The following COIL variants were observed in gnomAD, a reference collection of about 807,000 sequenced individuals.
The protein encoded by COIL is coilin p80.
COIL carries 28 observed loss-of-function variants against 51.6 expected under a neutral mutation model. The observed-to-expected ratio is 0.54, with a 90% CI of 0.40 to 0.74. The LOEUF (loss-of-function observed/expected upper bound fraction) is 0.74. Among genes scored for constraint, COIL ranks in the 30% least tolerant of loss-of-function variants. The probability of loss-of-function intolerance (pLI) is 0.00; values close to 1 mark genes in which losing one functional copy is unlikely to be tolerated. For missense variants in COIL, 667 were observed against 685.9 expected (o/e 0.97, Z 0.31); for synonymous variants, 233 against 255.8 (o/e 0.91, Z 0.85).
chr17:56,949,851 G>A (rs1910321367), intron 2 of COIL, 38 bp downstream of exon 2: 3 of 1,610,636 alleles, frequency 1.9e-6, no homozygotes, highest in Non-Finnish European at 2.5e-6. Flanking sequence ...CATTCTAAGG[G>A]GAAAGGGAGG....
chr17:56,941,966 TC>T, intron 6 of COIL, 68 bp downstream of exon 6: 1 of 1,304,712 alleles, frequency 7.7e-7, no homozygotes, highest in South Asian at 1.2e-5. Flanking sequence ...AATGTCACCT[TC>T]CAAACCACAG....
Position 56,950,908 on chromosome 17 carries a change from G to A in COIL, c.334C>T (p.Arg112Trp), listed in dbSNP as rs201713745. ...TCACCCTCCTCTAACTGAAATGCCC[G>A]CTTCTTTGCTTTTCTAAGAGATAAA... ...INLSLRKAKK[R>W]AFQLEEGEET... The change falls in exon 2 of 7, where the codon CGG becomes TGG. Residue 112 changes from arginine (R) to tryptophan (W), a missense_variant. Physicochemically the swap from Arg to Trp is moderately radical, Grantham distance 101 (BLOSUM62 -3). Transcript: ENST00000240316. 47 of 1,613,432 alleles carry A rather than the reference G, an allele frequency of 2.9e-5. No homozygotes were observed. The highest frequency in any genetic ancestry group is 5.3e-5 in the African/African-American group (4 of 74,882).
At position 56,938,971 on chromosome 17, in the gene COIL, C is replaced by T; in HGVS notation, c.*100G>A. 1.6e-6 allele frequency: 1 copy of T among 609,820 alleles called. No homozygotes were observed. Among genetic ancestry groups the T allele is most frequent in the South Asian group, 2.4e-5 (1 of 41,732 alleles). The allele number at this position is 609,820 out of a possible 1,614,324, so 37.8% of individuals were successfully genotyped here. ...GTAAAGTGAAGATAACAAAAAAATC[C>T]ATACAACTTCCAAATCCTCTTTAAA... On this transcript the variant is annotated 3_prime_UTR_variant, in exon 7 of 7. Coordinates refer to ENST00000240316, the MANE Select transcript of COIL (RefSeq NM_004645.3).
chr17:56,939,895 G>A (rs1419709269), intron 6 of COIL: 1 of 152,074 alleles, frequency 6.6e-6, no homozygotes, highest in Non-Finnish European at 1.5e-5. Flanking sequence ...GATTTGCCCT[G>A]TGGACAGGTG....
At chr17:56,953,173 A>T (rs1910406397) in intron 1 of COIL, among the ~76,000 whole-genome samples, 1 of 151,992 alleles carries the variant, frequency 6.6e-6, no homozygotes, top group Non-Finnish European at 1.5e-5. Context: ...GCACTTTGGG[A>T]GGTCAAGGTG....
chr17:56,953,190 T>A (rs1332170378), intron 1 of COIL, among the ~76,000 whole-genome samples: 1 of 151,534 alleles, frequency 6.6e-6, no homozygotes, highest in Non-Finnish European at 1.5e-5. Flanking sequence ...GGTGGGTGGA[T>A]CACAAGGTCA....
At position 56,946,481 on chromosome 17, in the gene COIL, T is replaced by C. The variant is rs971684252; in HGVS notation, c.1519A>G (p.Thr507Ala). 1.2e-6 allele frequency: 2 copies of C among 1,611,714 alleles called. No homozygotes were observed. The highest frequency in any genetic ancestry group is 1.7e-6 in the Non-Finnish European group (2 of 1,178,258). The part of the protein sequence containing the change: ...EGRILSHNPE[T>A]QQVDIEILSS... ...AGAATTTCTATATCTACTTGCTGGG[T>C]CTCTGGATTGTGGCTTAATATTCTT... The change falls in exon 5 of 7, where the codon ACC (threonine) becomes GCC (alanine). Residue 507 changes from threonine (T) to alanine (A), a missense_variant. Coordinates refer to ENST00000240316, the MANE Select transcript of COIL (RefSeq NM_004645.3).
At chr17:56,942,345 T>C (rs974614565) in intron 5 of COIL, among the ~76,000 whole-genome samples, 3 of 152,188 alleles carry the variant, frequency 2.0e-5, no homozygotes, top group Non-Finnish European at 4.4e-5. Context: ...AGAGAAAATC[T>C]TTCCTTCATA....
In COIL at chr17:56,949,648, CT is replaced by C. The variant is rs765605977; in HGVS notation, c.1440+32del. On this transcript the variant is annotated intron_variant, in intron 3 of 6. Transcript: ENST00000240316. ...AAGTTTATTTGGAAGGGGAATGAAC[CT>C]TTTTTGCTGTGACTGTTCTTTTGAA... 3.2e-5 allele frequency: 51 copies of C among 1,583,912 alleles called. No individual in the cohort carries two copies. The East Asian group carries it at 1.1e-3, about 34-fold the overall frequency.
At position 56,950,138 on chromosome 17, in the gene COIL, C is replaced by A; in HGVS notation, c.1104G>T (p.Arg368Ser). Residue 368 changes from arginine (R) to serine (S), a missense_variant, in exon 2 of 7, where the codon AGG becomes AGT. Arg to Ser is a moderately radical substitution (Grantham distance 110). Transcript: ENST00000240316. ...SSQTAGAAGW[R>S]RSGSNGGGQA... ...GTCCACCACCATTTGAGCCAGAACG[C>A]CTCCATCCAGCAGCACCTGCAGTCT... The A allele has an allele frequency of 6.2e-7, 1 of 1,614,182 alleles. No individual in the cohort carries two copies. The highest frequency in any genetic ancestry group is 8.5e-7 in the Non-Finnish European group (1 of 1,180,040).
chr17:56,955,710 ATT>A lies in COIL; in HGVS notation c.246-4716_246-4715del, dbSNP rs767950234. Among the ~76,000 whole-genome samples, 26 of 152,310 alleles carry A rather than the reference ATT, an allele frequency of 1.7e-4. 1 individual carries two copies. In the East Asian group the frequency reaches 4.6e-3, roughly 27 times the overall value. ...AAGTGATATCCAAATGTTAGCTCTA[ATT>A]TTTATTAGTACAATGAATGTTGTTA... On this transcript the variant is annotated intron_variant, in intron 1 of 6. Coordinates refer to ENST00000240316, the MANE Select transcript of COIL (RefSeq NM_004645.3).
Position 56,938,274 on chromosome 17 carries a change from T to C in COIL, c.*797A>G, listed in dbSNP as rs889146969. ...CTGATCTTTTGTTAAATGAAACCAATTTTCACGGTATATATTTGGCCATTT... is the reference window on the plus strand; with the variant it reads ...CTGATCTTTTGTTAAATGAAACCAACTTTCACGGTATATATTTGGCCATTT... On this transcript the variant is annotated 3_prime_UTR_variant, in exon 7 of 7. Transcript: ENST00000240316. 2 of 152,212 alleles carry C rather than the reference T, an allele frequency of 1.3e-5. No homozygotes were observed. Among genetic ancestry groups the C allele is most frequent in the Non-Finnish European group, 2.9e-5 (2 of 68,030 alleles). 9.4% of individuals were successfully genotyped at this position (152,212 alleles called of 1,614,324 possible).
chr17:56,946,669 G>C (rs1477295933), intron 4 of COIL, among the ~76,000 whole-genome samples, 158 bp from the exon 5 acceptor site: 6 of 152,172 alleles, frequency 3.9e-5, no homozygotes, highest in Non-Finnish European at 8.8e-5. Flanking sequence ...TCCACATATA[G>C]AGAAAATAAA....
chr17:56,958,787 A>G (rs1910527559), intron 1 of COIL, among the ~76,000 whole-genome samples: 1 of 152,202 alleles, frequency 6.6e-6, no homozygotes, highest in African/African-American at 2.4e-5. Flanking sequence ...TTCACAGTCA[A>G]TAAAAAGGGG....
At chr17:56,941,047 G>C (rs1237912604) in intron 6 of COIL, 2 of 147,514 alleles carry the variant, frequency 1.4e-5, no homozygotes, top group Admixed American at 1.4e-4. Flanking sequence ...TGAGGCAAGA[G>C]AATGGTGTGA....
intron 1 of COIL, among the ~76,000 whole-genome samples, chr17:56,956,737 A>T (rs1456079852): frequency 6.6e-6 from 1 of 152,126 alleles, no homozygotes; most frequent in Admixed American, 6.6e-5. Flanking sequence ...GACTACAGGC[A>T]TGTGCCACCA....
intron 1 of COIL, among the ~76,000 whole-genome samples, chr17:56,953,284 G>T (rs180929591): frequency 6.6e-6 from 1 of 151,826 alleles, no homozygotes; most frequent in African/African-American, 2.4e-5. Context: ...GGTGGCGGGC[G>T]CCTGTAGTCC....
At chr17:56,939,861 G>GT (rs1910113100) in intron 6 of COIL, 1 of 152,092 alleles carries the variant, frequency 6.6e-6, no homozygotes, top group Non-Finnish European at 1.5e-5. Flanking sequence ...GCGGGAGGGA[G>GT]TAGCTCCCCC....
chr17:56,942,462 T>C (rs930445065), intron 5 of COIL, among the ~76,000 whole-genome samples: 1 of 152,150 alleles, frequency 6.6e-6, no homozygotes, highest in African/African-American at 2.4e-5. Flanking sequence ...TAATATGAAA[T>C]GCTGCTCTGT....
Sources: gnomAD v4.1 joint callset for allele counts (sites outside exome capture counted in the v4.1 genomes callset) on GRCh38, gnomAD v4.1.1 for gene constraint, MANE v1.5 for transcripts, NCBI Gene and HGNC (gene_info 2026-07-23, HGNC 2026-07-21) for gene names.